Variants in DAPK1 observed in about 807,000 individuals in gnomAD.
DAPK1 encodes death associated protein kinase 1.
In DAPK1, 56 loss-of-function variants were observed where a neutral mutation model predicts 144.9. The ratio of observed to expected loss-of-function variants is 0.39; its 90% CI spans 0.31 to 0.48. The LOEUF is 0.48. DAPK1 is among the 20% of genes least tolerant of loss of function. The pLI, the probability that DAPK1 is intolerant of heterozygous loss-of-function variation, is 0.95. For synonymous variants in DAPK1, 690 were observed against 749.0 expected, an observed-to-expected ratio of 0.92 and a Z score of 1.29; for missense variants, 1,454 against 1,875.4, an observed-to-expected ratio of 0.78 and a Z score of 4.15.
intron 2 of DAPK1, among the ~76,000 whole-genome samples, chr9:87,522,066 G>A (rs954783818): frequency 1.3e-5 from 2 of 152,190 alleles, no homozygotes; most frequent in Non-Finnish European, 2.9e-5. Flanking sequence ...CCAGCGCCAT[G>A]CTCTTAGACT....
chr9:87,564,673 A>G (rs1295137288), intron 2 of DAPK1, among the ~76,000 whole-genome samples: 1 of 152,010 alleles, frequency 6.6e-6, no homozygotes, highest in Non-Finnish European at 1.5e-5. Context: ...AAAGAAAGAG[A>G]GAGAGAGAGA....
intron 24 of DAPK1, among the ~76,000 whole-genome samples, chr9:87,701,062 C>A (rs3128496): frequency 0.72 from 110,034 of 152,102 alleles, 40,141 homozygotes; most frequent in East Asian, 0.98. Flanking sequence ...TGGAAAAATT[C>A]ATTAAACCTA....
At chr9:87,655,700 T>G (rs1830607358) in intron 17 of DAPK1, among the ~76,000 whole-genome samples, 1 of 152,298 alleles carries the variant, frequency 6.6e-6, no homozygotes. Flanking sequence ...CCTTCTCATA[T>G]GGAAATCAGG....
chr9:87,633,127 A>G, intron 3 of DAPK1: 1 of 983,216 alleles, frequency 1.0e-6, no homozygotes, highest in Non-Finnish European at 1.2e-6. Flanking sequence ...ATAAAGAAAG[A>G]TGAGTGTACA....
intron 3 of DAPK1, among the ~76,000 whole-genome samples, chr9:87,634,309 CTG>C (rs543723863): frequency 1.3e-3 from 195 of 152,348 alleles, no homozygotes; most frequent in African/African-American, 4.6e-3. Flanking sequence ...TCTCTGACCT[CTG>C]TGGCCTCGGC....
intron 2 of DAPK1, among the ~76,000 whole-genome samples, chr9:87,561,352 T>C (rs1051334831): frequency 1.4e-4 from 22 of 152,082 alleles, no homozygotes; most frequent in Non-Finnish European, 2.2e-4. Context: ...CGGTGAAACC[T>C]CGTCTCTCCT....
intron 2 of DAPK1, among the ~76,000 whole-genome samples, chr9:87,566,058 T>G (rs1486099652): frequency 1.3e-5 from 2 of 149,034 alleles, no homozygotes; most frequent in African/African-American, 5.0e-5. Context: ...TCTTGCTCTG[T>G]GGCCCAGGCT....
At chr9:87,550,100 C>T (rs1469446321) in intron 2 of DAPK1, among the ~76,000 whole-genome samples, 1 of 152,208 alleles carries the variant, frequency 6.6e-6, no homozygotes, top group Non-Finnish European at 1.5e-5. Flanking sequence ...ATTGCATTCC[C>T]TGGGTAACAT....
At chr9:87,560,917 C>T (rs1302964909) in intron 2 of DAPK1, among the ~76,000 whole-genome samples, 1 of 152,088 alleles carries the variant, frequency 6.6e-6, no homozygotes, top group African/African-American at 2.4e-5. Context: ...CCACCCACCT[C>T]GGCCTCACAA....
intron 18 of DAPK1, among the ~76,000 whole-genome samples, chr9:87,658,634 T>A (rs1830717215): frequency 6.6e-6 from 1 of 152,184 alleles, no homozygotes; most frequent in African/African-American, 2.4e-5. Context: ...TAAGTGAGAT[T>A]TCTTCAGTTC....
chr9:87,546,716 T>C (rs1045259703), intron 2 of DAPK1, among the ~76,000 whole-genome samples: 7 of 152,208 alleles, frequency 4.6e-5, no homozygotes, highest in Non-Finnish European at 1.0e-4. Flanking sequence ...TCTACCCAGC[T>C]CTCTTTTCTC....
intron 3 of DAPK1, among the ~76,000 whole-genome samples, chr9:87,623,056 G>A (rs1829359650): frequency 6.6e-6 from 1 of 152,190 alleles, no homozygotes; most frequent in South Asian, 2.1e-4. Flanking sequence ...TGAGTCAGTG[G>A]GTTGGGTAAT....
At chr9:87,699,657 T>A in intron 23 of DAPK1, among the ~76,000 whole-genome samples, 1 of 152,226 alleles carries the variant, frequency 6.6e-6, no homozygotes, top group East Asian at 1.9e-4. Flanking sequence ...GAGACATTTA[T>A]CTATTGTCTT....
chr9:87,500,187 T>A lies in DAPK1; in HGVS notation c.62+1048T>A, dbSNP rs531855316. On this transcript the variant is annotated intron_variant, in intron 2 of 25. Transcript: ENST00000408954. ...GAAACTAAGCTTAACTAAATTTTTT[T>A]AAAAATTCAAATGATAGTGTAGAAT... Among the ~76,000 whole-genome samples, 11 of 152,332 alleles carry A rather than the reference T, an allele frequency of 7.2e-5. No homozygotes were observed. In the East Asian group the frequency reaches 9.6e-4, roughly 13 times the overall value.
rs764809561 is a variant in DAPK1 at position 87,605,162 on chromosome 9, C to T, written c.271C>T (p.Leu91=). 1.2e-6 allele frequency: 2 copies of T among 1,613,544 alleles called. No individual in the cohort carries two copies. The highest frequency in any genetic ancestry group is 1.7e-6 in the Non-Finnish European group (2 of 1,179,476). The change falls in exon 3 of 26, where the codon CTG becomes TTG. Residue 91 remains leucine (L), a synonymous_variant. Coordinates refer to ENST00000408954, the MANE Select transcript of DAPK1 (RefSeq NM_004938.4). ...EVYENKTDVI[L]ILELVAGGEL... ...CTATGAGAACAAGACGGACGTCATC[C>T]TGATCTTGGAACTGTGAGTGCCGCC...
intron 3 of DAPK1, among the ~76,000 whole-genome samples, chr9:87,627,238 T>C (rs1419475777): frequency 6.6e-6 from 1 of 152,144 alleles, no homozygotes; most frequent in African/African-American, 2.4e-5. Context: ...TCTCATCACG[T>C]CTGTGATCTC....
At chr9:87,514,178 C>T (rs1282146465) in intron 2 of DAPK1, among the ~76,000 whole-genome samples, 4 of 151,936 alleles carry the variant, frequency 2.6e-5, no homozygotes, top group African/African-American at 9.7e-5. Context: ...GAGGAGCCTG[C>T]ACCTAGTGGG....
chr9:87,699,896 C>T (rs564719313), intron 23 of DAPK1, among the ~76,000 whole-genome samples: 3 of 152,270 alleles, frequency 2.0e-5, no homozygotes, highest in East Asian at 1.9e-4. Flanking sequence ...CTGAAGGTCC[C>T]GCTCCTATGA....
chr9:87,626,113 A>C (rs1829480620), intron 3 of DAPK1, among the ~76,000 whole-genome samples: 1 of 152,230 alleles, frequency 6.6e-6, no homozygotes, highest in Admixed American at 6.5e-5. Flanking sequence ...TCGATTGGTA[A>C]AAGTAATAAT....
Sources: gnomAD v4.1 joint callset for allele counts (sites outside exome capture counted in the v4.1 genomes callset) on GRCh38, gnomAD v4.1.1 for gene constraint, MANE v1.5 for transcripts, NCBI Gene and HGNC (gene_info 2026-07-23, HGNC 2026-07-21) for gene names.